Variants in SRCAP observed in about 807,000 individuals in gnomAD.
SRCAP encodes Snf2 related CREBBP activator protein.
Under a neutral mutation model 263.1 loss-of-function variants are expected in SRCAP, and 46 were observed. That is an observed-to-expected ratio of 0.17 (90% confidence interval 0.14 to 0.22). The LOEUF (loss-of-function observed/expected upper bound fraction) is 0.22, where lower values mean the gene tolerates loss of function less well. SRCAP is among the 10% of genes least tolerant of loss of function. The pLI is 1.00. For synonymous variants in SRCAP, 1,813 were observed against 1,662.1 expected (o/e 1.09, Z -2.21); for missense variants, 3,695 against 4,181.9 (o/e 0.88, Z 3.21).
rs563160666 is a variant in SRCAP, at chr16:30,721,109, A to G, written c.3254-80A>G. ...ACGGGTCTAGTATTTGATGGGTTGG[A>G]AGGGAGTATGGAGGCTTCTGGCACC... On this transcript the variant is annotated intron_variant, in intron 20 of 33. Transcript: ENST00000262518. 8 of 1,541,752 alleles carry G rather than the reference A, an allele frequency of 5.2e-6. No homozygotes were observed. The Admixed American group carries it at 5.9e-5, about 11-fold the overall frequency.
chr16:30,711,115 G>A, intron 10 of SRCAP, 27 bp downstream of exon 10: 1 of 1,577,146 alleles, frequency 6.3e-7, no homozygotes, highest in Non-Finnish European at 8.7e-7. Context: ...ATTTTACTAA[G>A]CATCCACTTG....
chr16:30,702,311 C>T (rs1022429002), intron 3 of SRCAP, among the ~76,000 whole-genome samples: 7 of 152,042 alleles, frequency 4.6e-5, no homozygotes, highest in Non-Finnish European at 1.0e-4. Context: ...TGGCTCACTG[C>T]AACCTCCACC....
chr16:30,717,523 T>C (rs1314596654), intron 18 of SRCAP, among the ~76,000 whole-genome samples: 1 of 151,608 alleles, frequency 6.6e-6, no homozygotes, highest in African/African-American at 2.4e-5. Flanking sequence ...CATAGCTTAC[T>C]GCAGCCTTGA....
intron 30 of SRCAP, 100 bp from the exon 31 acceptor site, chr16:30,734,396 A>G (rs1442812881): frequency 3.9e-6 from 6 of 1,530,930 alleles, no homozygotes; most frequent in Non-Finnish European, 5.3e-6. Flanking sequence ...GTCTTCAACC[A>G]GTGGTACCCC....
chr16:30,707,135 T>C (rs558804928), intron 4 of SRCAP, 48 bp from the exon 5 acceptor site: 7 of 1,587,572 alleles, frequency 4.4e-6, no homozygotes, highest in African/African-American at 1.3e-5. Flanking sequence ...GGCAGTGAGA[T>C]GGAGTGTGTG....
rs1241389116 is a variant in SRCAP, at chr16:30,710,063, CATG to C, written c.1072_1074del (p.Asp358del). On this transcript the variant is annotated inframe_deletion, in exon 8 of 34. Transcript: ENST00000262518. ...CAGCCCCTCTCAAACCCCCTCATCT[CATG>C]ATAGTGACACCCGAGATGGGCCTGA... The C allele has an allele frequency of 1.2e-6, 2 of 1,614,088 alleles. No individual in the cohort carries two copies. Among genetic ancestry groups the C allele is most frequent in the Non-Finnish European group, 1.7e-6 (2 of 1,180,036 alleles).
At chr16:30,736,771 C>G in intron 33 of SRCAP, 147 bp downstream of exon 33, 2 of 888,534 alleles carry the variant, frequency 2.3e-6, no homozygotes, top group Non-Finnish European at 3.4e-6. Context: ...CTCCCGGGTT[C>G]AAGCAGTTCT....
rs2052897195 is a variant in SRCAP, at chr16:30,711,946, A to G, written c.1604A>G (p.Gln535Arg). ...GAGTCTGAAGAGTCTGAGGATGCCC[A>G]ATCACAGAGCCAAGCAGATGAAGAG... ...ESESEESEDA[Q>R]SQSQADEEEE... Residue 535 changes from glutamine (Q) to arginine (R), a missense_variant, in exon 12 of 34, where the codon CAA (glutamine) becomes CGA (arginine). Gln to Arg is a conservative substitution (Grantham distance 43). This residue lies in a region of SRCAP where 288 missense variants were observed against 302.4 expected (regional missense o/e 0.95). Coordinates refer to ENST00000262518, the MANE Select transcript of SRCAP (RefSeq NM_006662.3). The G allele has an allele frequency of 1.9e-6, 3 of 1,614,012 alleles. No homozygotes were observed. The highest frequency in any genetic ancestry group is 1.7e-6 in the Non-Finnish European group (2 of 1,180,002).
At position 30,710,774 on chromosome 16, in the gene SRCAP, T is replaced by A; in HGVS notation, c.1155T>A (p.Ala385=). 6.2e-7 allele frequency: 1 copy of A among 1,614,210 alleles called. No homozygotes were observed. Among genetic ancestry groups the A allele is most frequent in the Non-Finnish European group, 8.5e-7 (1 of 1,180,028 alleles). The part of the protein sequence containing the change: ...QVLEIKPPPS[A]VTQRNKQPWH... ...TACAGATAAAGCCCCCACCCTCTGC[T>A]GTCACACAGCGCAACAAACAGCCTT... Residue 385 remains alanine, a synonymous_variant, in exon 9 of 34, where the codon GCT becomes GCA. Transcript: ENST00000262518.
rs775147297 is a variant in SRCAP at position 30,737,500 on chromosome 16, C to G, written c.7460C>G (p.Pro2487Arg). ...GTCCATATCTTGCCTTCTCCTCCCC[C>G]TCCTTCACAGATTCCTCCTTGTTCT... Reference protein sequence around the residue: ...LPVHILPSPPPPSQIPPCSSP... With the variant: ...LPVHILPSPPRPSQIPPCSSP... Residue 2487 changes from proline (P) to arginine (R), a missense_variant, in exon 34 of 34, where the codon CCT becomes CGT. Around this residue, in one of 12 missense-constraint regions of SRCAP, gnomAD observed 1,207 missense variants for 1,142.9 expected, o/e 1.06. Coordinates refer to ENST00000262518, the MANE Select transcript of SRCAP (RefSeq NM_006662.3). 4.4e-6 allele frequency: 7 copies of G among 1,599,214 alleles called. No homozygotes were observed. Among genetic ancestry groups the G allele is most frequent in the Middle Eastern group, 1.7e-4 (1 of 6,050 alleles).
intron 3 of SRCAP, 54 bp downstream of exon 3, chr16:30,700,932 G>A: frequency 2.5e-6 from 4 of 1,580,048 alleles, no homozygotes; most frequent in Non-Finnish European, 2.6e-6. Context: ...ATTGTTGAGT[G>A]TGAGGCAGAA....
intron 31 of SRCAP, among the ~76,000 whole-genome samples, chr16:30,735,732 C>T (rs1270167594): frequency 6.6e-6 from 1 of 151,784 alleles, no homozygotes; most frequent in Non-Finnish European, 1.5e-5. Flanking sequence ...AGGCGCGTGC[C>T]ACCACGCTCA....
chr16:30,716,351 C>T lies in SRCAP; in HGVS notation c.2689C>T (p.Leu897=). Residue 897 remains leucine, a synonymous_variant, in exon 18 of 34, where the codon CTG becomes TTG. Transcript: ENST00000262518. ...GAGCGTCATCAACATTTTGATGCAG[C>T]TGAGAAAAGTTTGCAATCATCCAAA... is the stretch of plus-strand genomic sequence containing the variant. ...FMSVINILMQ[L]RKVCNHPNLF... The T allele has an allele frequency of 6.2e-7, 1 of 1,614,166 alleles. No individual in the cohort carries two copies. The highest frequency in any genetic ancestry group is 8.5e-7 in the Non-Finnish European group (1 of 1,180,038).
In SRCAP at chr16:30,711,673, G is replaced by T. The variant is rs916864511; in HGVS notation, c.1421G>T (p.Ser474Ile). ...DEDEDEVDAN[S>I]SDCEPEGPVE... ...GATGAAGATGAGGTTGATGCTAATA[G>T]CTCTGACTGTGAACCAGAGGGGCCC... Residue 474 changes from serine to isoleucine, a missense_variant, in exon 11 of 34, where the codon AGC becomes ATC. Around this residue, in one of 12 missense-constraint regions of SRCAP, gnomAD observed 288 missense variants for 302.4 expected, o/e 0.95. Transcript: ENST00000262518. 5 of 1,614,016 alleles carry T rather than the reference G, an allele frequency of 3.1e-6. No individual in the cohort carries two copies. Among genetic ancestry groups the T allele is most frequent in the African/African-American group, 1.3e-5 (1 of 74,908 alleles).
chr16:30,734,418 A>G, intron 30 of SRCAP, 78 bp from the exon 31 acceptor site: 1 of 1,580,786 alleles, frequency 6.3e-7, no homozygotes, highest in Non-Finnish European at 8.6e-7. Context: ...GACAGTTCCA[A>G]GAACCATCAG....
In SRCAP at chr16:30,711,440, G is replaced by T. The variant is rs578215507; in HGVS notation, c.1319-131G>T. 4.4e-6 allele frequency: 4 copies of T among 901,330 alleles called. No individual in the cohort carries two copies. In the African/African-American group the frequency reaches 5.0e-5, roughly 11 times the overall value. The allele number at this position is 901,330 out of a possible 1,614,324, so 55.8% of individuals were successfully genotyped here. A position where few individuals can be genotyped will look rare whatever the true frequency, so the allele number is the denominator to read the frequency against. ...CTTTGCTAGCTGATGCTGAAAGTAA[G>T]CTCTTTTGCCTCCCCTCAGACCTGG... On this transcript the variant is annotated intron_variant, in intron 10 of 33. Transcript: ENST00000262518.
chr16:30,734,476 C>G lies in SRCAP; in HGVS notation c.6610-20C>G, dbSNP rs542226346. ...TAGCATTCTGTTGACTCTGACACTTCCCTCTGTTCTATCCGATAGCAGACC... is the reference window on the plus strand; with the variant it reads ...TAGCATTCTGTTGACTCTGACACTTGCCTCTGTTCTATCCGATAGCAGACC... On this transcript the variant is annotated intron_variant, in intron 30 of 33. Transcript: ENST00000262518. 1.2e-4 allele frequency: 194 copies of G among 1,613,014 alleles called. 3 individuals are homozygous for G. The South Asian group carries it at 2.1e-3, about 17-fold the overall frequency.
intron 25 of SRCAP, among the ~76,000 whole-genome samples, chr16:30,728,301 A>G (rs552607860): frequency 6.6e-6 from 1 of 152,344 alleles, no homozygotes; most frequent in South Asian, 2.1e-4. Context: ...TAGTGGATAG[A>G]TATTAGTTAA....
intron 27 of SRCAP, among the ~76,000 whole-genome samples, chr16:30,731,002 G>A (rs1477568680): frequency 6.6e-6 from 1 of 152,078 alleles, no homozygotes; most frequent in African/African-American, 2.4e-5. Flanking sequence ...CTACCCTGCT[G>A]TACCATCTTT....
Sources: allele counts gnomAD v4.1 joint callset (sites outside exome capture counted in the v4.1 genomes callset), GRCh38; gene constraint gnomAD v4.1.1; regional missense constraint gnomAD v4.1.1; transcripts MANE v1.5; gene names NCBI Gene and HGNC (gene_info 2026-07-23, HGNC 2026-07-21).